The following PRRC2B variants were observed in gnomAD, a reference collection of about 807,000 sequenced individuals.
The protein encoded by PRRC2B is protein PRRC2B.
Under a neutral mutation model 242.3 loss-of-function variants are expected in PRRC2B, and 68 were observed. The observed-to-expected ratio is 0.28, with a 90% CI of 0.23 to 0.34. The LOEUF is 0.34. Ranked by LOEUF, PRRC2B falls within the 10% of genes least tolerant of loss-of-function variation. The pLI is 1.00. For synonymous variants in PRRC2B, 1,228 were observed against 1,173.6 expected, an observed-to-expected ratio of 1.05 and a Z score of -0.95; for missense variants, 2,835 against 2,954.8, an observed-to-expected ratio of 0.96 and a Z score of 0.94.
intron 1 of PRRC2B, among the ~76,000 whole-genome samples, chr9:131,407,391 G>A (rs1837394614): frequency 6.6e-6 from 1 of 152,188 alleles, no homozygotes; most frequent in Non-Finnish European, 1.5e-5. Flanking sequence ...TTTATAACGT[G>A]TGTAGTGTAT....
At chr9:131,392,950 A>C (rs1002411046), upstream of PRRC2B, among the ~76,000 whole-genome samples, 1 of 151,904 alleles carries the variant, frequency 6.6e-6, no homozygotes, top group Non-Finnish European at 1.5e-5. Context: ...GAAAAAAAGG[A>C]TAACACTGAA....
chr9:131,379,623 C>CTT (rs1468062224), intron 1 of PRRC2B, among the ~76,000 whole-genome samples: 1 of 136,010 alleles, frequency 7.4e-6, no homozygotes. Flanking sequence ...GTCCTTGGTC[C>CTT]ATTTTTTTTT....
At chr9:131,409,326 C>G (rs1837448135) in intron 1 of PRRC2B, among the ~76,000 whole-genome samples, 1 of 151,798 alleles carries the variant, frequency 6.6e-6, no homozygotes, top group Admixed American at 6.6e-5. Context: ...CTTACAGGTG[C>G]CTGCCACCAC....
At chr9:131,493,130 C>T (rs1564303936) in intron 30 of PRRC2B, among the ~76,000 whole-genome samples, 1 of 79,570 alleles carries the variant, frequency 1.3e-5, no homozygotes, top group Non-Finnish European at 2.8e-5. Context: ...GCTGCACCCC[C>T]TCTGCCTTGC....
intron 1 of PRRC2B, among the ~76,000 whole-genome samples, chr9:131,408,968 C>A (rs796931340): frequency 6.6e-6 from 1 of 151,128 alleles, no homozygotes; most frequent in Non-Finnish European, 1.5e-5. Flanking sequence ...ATCCACCCCC[C>A]TCGGCCTCCC....
chr9:131,493,594 G>A (rs1398967458), intron 30 of PRRC2B, among the ~76,000 whole-genome samples: 2 of 152,270 alleles, frequency 1.3e-5, no homozygotes, highest in Non-Finnish European at 2.9e-5. Flanking sequence ...TATTTAGAAA[G>A]TGGAAGCCTT....
chr9:131,459,388 T>C, intron 11 of PRRC2B, 32 bp downstream of exon 11: 1 of 1,567,556 alleles, frequency 6.4e-7, no homozygotes, highest in Non-Finnish European at 8.7e-7. Context: ...CCTGTGTATT[T>C]GTACTTCATT....
At chr9:131,394,560 C>T (rs1430058995) in intron 1 of PRRC2B, among the ~76,000 whole-genome samples, 2 of 150,068 alleles carry the variant, frequency 1.3e-5, no homozygotes, top group African/African-American at 4.9e-5. Context: ...GCGCGACTCC[C>T]TCAGGGCTCG....
chr9:131,459,504 A>G (rs559786413), intron 11 of PRRC2B, 148 bp downstream of exon 11: 73 of 768,104 alleles, frequency 9.5e-5, no homozygotes, highest in African/African-American at 8.9e-4. Context: ...GGGTCTCACT[A>G]TGTTGCCCAG....
At chr9:131,420,497 T>TCTTTTC (rs72209206) in intron 1 of PRRC2B, among the ~76,000 whole-genome samples, 1 of 16,466 alleles carries the variant, frequency 6.1e-5, no homozygotes, top group African/African-American at 1.4e-4. Context: ...TTCTTTCTTT[T>TCTTTTC]TTTTTTTTTT....
At chr9:131,378,896 T>C (rs144384743) in intron 1 of PRRC2B, among the ~76,000 whole-genome samples, 120 of 152,268 alleles carry the variant, frequency 7.9e-4, no homozygotes, top group Middle Eastern at 3.4e-3. Context: ...TTTTTGTATT[T>C]TTAGTAGAGA....
Position 131,474,609 on chromosome 9 carries a change from A to G in PRRC2B, c.2480A>G (p.Gln827Arg), listed in dbSNP as rs1457351630. ...DSCISSQRIG[Q>R]ELLFPPQENV... ...TGTATCTCTTCTCAAAGAATAGGCC[A>G]GGAGCTTTTGTTTCCACCCCAAGAA... is the stretch of plus-strand genomic sequence containing the variant. Residue 827 changes from glutamine to arginine, a missense_variant, in exon 16 of 32, where the codon CAG becomes CGG. Physicochemically the swap from Gln to Arg is conservative, Grantham distance 43. Transcript: ENST00000683519. The G allele has an allele frequency of 6.2e-7, 1 of 1,613,928 alleles. No individual in the cohort carries two copies. Among genetic ancestry groups the G allele is most frequent in the Non-Finnish European group, 8.5e-7 (1 of 1,179,912 alleles).
chr9:131,494,655 C>T lies in PRRC2B; in HGVS notation c.6555+169C>T, dbSNP rs1230761708. Among the ~76,000 whole-genome samples, 4 of 152,204 alleles carry T rather than the reference C, an allele frequency of 2.6e-5. No homozygotes were observed. The highest frequency in any genetic ancestry group is 9.7e-5 in the African/African-American group (4 of 41,446). The stretch of plus-strand genomic sequence containing the variant: ...GCTGGGCCGCCCGCGTCCCTCCTGG[C>T]GAAGGCATTTCTCCTCTTGACGGGC... On this transcript the variant is annotated intron_variant, in intron 31 of 31. Coordinates refer to ENST00000683519, the MANE Select transcript of PRRC2B (RefSeq NM_013318.4). The surrounding 1 kb of genome is among the most constrained non-coding windows in gnomAD (Gnocchi z 4.3).
chr9:131,463,126 A>T (rs1347646450), intron 11 of PRRC2B, among the ~76,000 whole-genome samples: 1 of 152,158 alleles, frequency 6.6e-6, no homozygotes, highest in East Asian at 1.9e-4. Context: ...TTAGAAAGGT[A>T]TGGATAGACC....
At chr9:131,400,160 C>G (rs1564273643) in intron 1 of PRRC2B, among the ~76,000 whole-genome samples, 1 of 152,022 alleles carries the variant, frequency 6.6e-6, no homozygotes, top group Non-Finnish European at 1.5e-5. Context: ...CTCAGCTCAC[C>G]GTAACCTCTG....
chr9:131,460,080 T>C (rs996311624), intron 11 of PRRC2B, among the ~76,000 whole-genome samples: 1 of 151,854 alleles, frequency 6.6e-6, no homozygotes, highest in Non-Finnish European at 1.5e-5. Flanking sequence ...GATTGAACAG[T>C]AAGTTGACAA....
upstream of PRRC2B, among the ~76,000 whole-genome samples, chr9:131,393,124 G>C (rs1388366569): frequency 6.6e-6 from 1 of 152,026 alleles, no homozygotes; most frequent in Non-Finnish European, 1.5e-5. Context: ...GTGTGGCCTG[G>C]GGCACATTCT....
chr9:131,474,780 A>G lies in PRRC2B; in HGVS notation c.2651A>G (p.His884Arg), dbSNP rs769744143. ...SHQPETADTAHGVERETPREG... is the reference protein window; with the variant it reads ...SHQPETADTARGVERETPREG... ...CAGCCAGAGACCGCTGACACAGCCC[A>G]TGGTGTTGAGCGGGAGACACCCCGG... is the stretch of plus-strand genomic sequence containing the variant. Residue 884 changes from histidine to arginine, a missense_variant, in exon 16 of 32, where the codon CAT (histidine) becomes CGT (arginine). By Grantham distance (29) the His-to-Arg change is conservative. Around this residue, in one of 7 missense-constraint regions of PRRC2B, gnomAD observed 1,536 missense variants for 1,483.1 expected, o/e 1.04. Coordinates refer to ENST00000683519, the MANE Select transcript of PRRC2B (RefSeq NM_013318.4). 1 of 1,612,842 alleles carries G rather than the reference A, an allele frequency of 6.2e-7. No homozygotes were observed. Among genetic ancestry groups the G allele is most frequent in the East Asian group, 2.2e-5 (1 of 44,868 alleles).
At chr9:131,396,516 G>C (rs1837062628) in intron 1 of PRRC2B, among the ~76,000 whole-genome samples, 1 of 151,980 alleles carries the variant, frequency 6.6e-6, no homozygotes, top group African/African-American at 2.4e-5. Context: ...AGTAGAGACA[G>C]GGTTTCACCA....
Sources: gnomAD v4.1 joint callset for allele counts (sites outside exome capture counted in the v4.1 genomes callset) on GRCh38, gnomAD v4.1.1 for gene constraint, gnomAD v4.1.1 regional missense constraint, Gnocchi (gnomAD v3.1) non-coding constraint, MANE v1.5 for transcripts, NCBI Gene and HGNC (gene_info 2026-07-23, HGNC 2026-07-21) for gene names.